Variants in NCOA1 observed in about 807,000 individuals in gnomAD.
NCOA1 encodes nuclear receptor coactivator 1, also known as Hin-2 protein.
In NCOA1, 35 loss-of-function variants were observed where a neutral mutation model predicts 150.9. The ratio of observed to expected loss-of-function variants is 0.23; its 90% CI spans 0.18 to 0.31. The LOEUF (loss-of-function observed/expected upper bound fraction) is 0.31. Among genes scored for constraint, NCOA1 ranks in the 10% least tolerant of loss-of-function variants. The pLI is 1.00. For synonymous variants in NCOA1, 590 were observed against 630.0 expected (o/e 0.94, Z 0.95); for missense variants, 1,491 against 1,749.3 (o/e 0.85, Z 2.63).
chr2:24,651,699 T>C (rs1174488780), intron 4 of NCOA1, among the ~76,000 whole-genome samples: 1 of 152,058 alleles, frequency 6.6e-6, no homozygotes, highest in Non-Finnish European at 1.5e-5. Flanking sequence ...CAGTAAAATT[T>C]AGTTTTTAAA....
At chr2:24,505,955 C>G (rs1162870849) in intron 1 of NCOA1, among the ~76,000 whole-genome samples, 1 of 151,738 alleles carries the variant, frequency 6.6e-6, no homozygotes, top group Non-Finnish European at 1.5e-5. Flanking sequence ...CTGGCGGAGA[C>G]AGATAGACAG....
At chr2:24,561,951 A>G (rs1666310482) in intron 1 of NCOA1, among the ~76,000 whole-genome samples, 1 of 152,194 alleles carries the variant, frequency 6.6e-6, no homozygotes, top group Non-Finnish European at 1.5e-5. Flanking sequence ...TGTTGCTAGG[A>G]AAAACTGGTT....
At chr2:24,684,665 A>T (rs1416680435) in intron 8 of NCOA1, among the ~76,000 whole-genome samples, 1 of 152,206 alleles carries the variant, frequency 6.6e-6, no homozygotes, top group South Asian at 2.1e-4. Flanking sequence ...TCTTTCTCTC[A>T]TTCCCCCAAT....
chr2:24,726,053 T>C (rs1674602039), intron 14 of NCOA1, among the ~76,000 whole-genome samples: 1 of 152,182 alleles, frequency 6.6e-6, no homozygotes, highest in Admixed American at 6.5e-5. Flanking sequence ...TCTTTTTTCA[T>C]TTGGGCCATC....
At chr2:24,557,005 G>A (rs1666097201) in intron 1 of NCOA1, among the ~76,000 whole-genome samples, 1 of 150,970 alleles carries the variant, frequency 6.6e-6, no homozygotes, top group East Asian at 1.9e-4. Context: ...CATTGTTGTT[G>A]TTGGGTTGGG....
At chr2:24,657,256 G>T (rs1670991716) in intron 4 of NCOA1, among the ~76,000 whole-genome samples, 1 of 152,112 alleles carries the variant, frequency 6.6e-6, no homozygotes. Context: ...GGACAGATTA[G>T]AAGTGAGAAT....
intron 22 of NCOA1, among the ~76,000 whole-genome samples, chr2:24,763,706 C>T (rs541012932): frequency 8.7e-4 from 122 of 140,872 alleles, no homozygotes; most frequent in Non-Finnish European, 1.0e-3. Flanking sequence ...CTGCAACCTG[C>T]GCCCCCTGGG....
intron 4 of NCOA1, among the ~76,000 whole-genome samples, chr2:24,644,483 A>G (rs1670371797): frequency 6.6e-6 from 1 of 152,132 alleles, no homozygotes; most frequent in South Asian, 2.1e-4. Flanking sequence ...ATATATACCT[A>G]TATAATTATA....
chr2:24,591,690 A>G (rs17046399), intron 3 of NCOA1, among the ~76,000 whole-genome samples: 5,572 of 152,118 alleles, frequency 0.037, 137 homozygotes, highest in East Asian at 0.12. Context: ...CTACTCTTCT[A>G]TTGGCCTAGA....
chr2:24,552,349 ATATATTTTTTTTTTTTTTT>A (rs1324058402), intron 1 of NCOA1, among the ~76,000 whole-genome samples: 52 of 30,518 alleles, frequency 1.7e-3, no homozygotes, highest in African/African-American at 6.3e-3. Flanking sequence ...ATATATATAT[ATATATTTTTTTTTTTTTTT>A]TTTTTTTTTT....
intron 1 of NCOA1, among the ~76,000 whole-genome samples, chr2:24,493,425 C>T (rs1465411771): frequency 2.6e-5 from 4 of 152,128 alleles, no homozygotes. Flanking sequence ...ATATTTTCTA[C>T]TGGTTATTTA....
Position 24,728,419 on chromosome 2 carries a change from A to G in NCOA1, c.2829A>G (p.Lys943=), listed in dbSNP as rs1259087496. The G allele has an allele frequency of 7.4e-6, 12 of 1,613,868 alleles. No individual in the cohort carries two copies. Among genetic ancestry groups the G allele is most frequent in the Admixed American group, 1.7e-5 (1 of 59,998 alleles). The change falls in exon 16 of 23, where the codon AAA becomes AAG. Residue 943 remains lysine (K), a synonymous_variant. Coordinates refer to ENST00000348332, the MANE Select transcript of NCOA1 (RefSeq NM_003743.5). ...LEQLVSFLSG[K]DETELAELDR... is the part of the protein sequence containing the mutation. ...AGCTGGTATCCTTCCTTAGTGGCAA[A>G]GATGAAACTGAGCTAGCTGAACTAG...
intron 19 of NCOA1, among the ~76,000 whole-genome samples, chr2:24,748,172 A>T (rs572785916): frequency 6.6e-6 from 1 of 152,206 alleles, no homozygotes; most frequent in Non-Finnish European, 1.5e-5. Flanking sequence ...CTTACCTTAC[A>T]TATAGAGGAA....
intron 14 of NCOA1, among the ~76,000 whole-genome samples, chr2:24,712,983 C>G (rs185147737): frequency 3.4e-4 from 52 of 152,228 alleles, no homozygotes; most frequent in Non-Finnish European, 6.2e-4. Context: ...TAATCGTGCA[C>G]TTTGGGAGGC....
chr2:24,616,413 A>T (rs569514369), intron 3 of NCOA1, among the ~76,000 whole-genome samples: 11 of 152,218 alleles, frequency 7.2e-5, no homozygotes, highest in Non-Finnish European at 1.6e-4. Context: ...GCATATTAAA[A>T]ATGCAAGAGA....
intron 13 of NCOA1, among the ~76,000 whole-genome samples, chr2:24,710,583 T>C (rs563562701): frequency 6.6e-6 from 1 of 152,168 alleles, no homozygotes; most frequent in African/African-American, 2.4e-5. Context: ...CAGGAAAAAG[T>C]CACCCATAAT....
intron 3 of NCOA1, among the ~76,000 whole-genome samples, chr2:24,595,169 G>A: frequency 6.6e-6 from 1 of 151,910 alleles, no homozygotes; most frequent in East Asian, 1.9e-4. Flanking sequence ...GTTTCTATTT[G>A]ATAGTTGTAA....
At chr2:24,583,384 A>G (rs55800212) in intron 2 of NCOA1, among the ~76,000 whole-genome samples, 2,121 of 152,234 alleles carry the variant, frequency 0.014, 51 homozygotes, top group African/African-American at 0.049. Flanking sequence ...GGCTATTATC[A>G]ACAAGACAAA....
intron 2 of NCOA1, among the ~76,000 whole-genome samples, chr2:24,577,229 A>G (rs187752982): frequency 1.3e-3 from 192 of 152,270 alleles, no homozygotes; most frequent in African/African-American, 4.3e-3. Context: ...ACTCAAATGA[A>G]TGAGTGAATA....
Sources: allele counts gnomAD v4.1 joint callset (sites outside exome capture counted in the v4.1 genomes callset), GRCh38; gene constraint gnomAD v4.1.1; transcripts MANE v1.5; gene names NCBI Gene and HGNC (gene_info 2026-07-23, HGNC 2026-07-21).